The following LETM1 variants were observed in gnomAD, a reference collection of about 807,000 sequenced individuals.
The protein encoded by LETM1 is mitochondrial proton/calcium exchanger protein.
LETM1 carries 50 observed loss-of-function variants against 74.5 expected under a neutral mutation model. The ratio of observed to expected loss-of-function variants is 0.67; its 90% confidence interval spans 0.53 to 0.85. LETM1 has a LOEUF of 0.85. Among genes scored for constraint, LETM1 ranks in the 40% least tolerant of loss-of-function variants. LETM1 has a pLI of 0.00. For missense variants in LETM1, 824 were observed against 967.8 expected, an observed-to-expected ratio of 0.85 and a Z score of 1.97; for synonymous variants, 446 against 407.1, an observed-to-expected ratio of 1.10 and a Z score of -1.15.
At chr4:1,838,560 CCAG>C (rs1274338799) in intron 3 of LETM1, among the ~76,000 whole-genome samples, 2 of 152,124 alleles carry the variant, frequency 1.3e-5, no homozygotes, top group Admixed American at 6.5e-5. Context: ...GTCTGTGGTC[CCAG>C]CTACACTGGA....
intron 2 of LETM1, chr4:1,843,083 C>CA (rs1712760685): frequency 3.7e-6 from 1 of 268,280 alleles, no homozygotes; most frequent in Non-Finnish European, 7.6e-6. Flanking sequence ...GGCCTGACGC[C>CA]AGCAGCAAGG....
chr4:1,812,949 G>A lies in LETM1; in HGVS notation c.*1475C>T, dbSNP rs928713633. The A allele has an allele frequency of 6.6e-6, 1 of 152,276 alleles. No homozygotes were observed. Among genetic ancestry groups the A allele is most frequent in the African/African-American group, 2.4e-5 (1 of 41,422 alleles). 9.4% of individuals were successfully genotyped at this position (152,276 alleles called of 1,614,324 possible). On this transcript the variant is annotated 3_prime_UTR_variant, in exon 14 of 14. Coordinates refer to ENST00000302787, the MANE Select transcript of LETM1 (RefSeq NM_012318.3). ...TGGGCCCGCGATGCCGCTCACAGGA[G>A]AGGCGTCTGCACACACCTGGCAACT...
At position 1,832,964 on chromosome 4, in the gene LETM1, A is replaced by G; in HGVS notation, c.877-17T>C. ...TTCCCGGATCTGCGGAAGTGGTCAC[A>G]AGGGTCATCCCCGGGACACGCGCCC... On this transcript the variant is annotated splice_polypyrimidine_tract_variant and intron_variant, in intron 5 of 13. Coordinates refer to ENST00000302787, the MANE Select transcript of LETM1 (RefSeq NM_012318.3). 1.9e-6 allele frequency: 3 copies of G among 1,611,522 alleles called. No individual in the cohort carries two copies. Among genetic ancestry groups the G allele is most frequent in the Non-Finnish European group, 2.5e-6 (3 of 1,179,444 alleles).
chr4:1,819,613 C>T lies in LETM1; in HGVS notation c.1609-141G>A, dbSNP rs552219323. The T allele has an allele frequency of 2.7e-5, 26 of 956,794 alleles. No individual in the cohort carries two copies. The African/African-American group carries it at 4.3e-4, about 16-fold the overall frequency. The allele number at this position is 956,794 out of a possible 1,614,324, so 59.3% of individuals were successfully genotyped here. ...TGGACAGTCATTGGTAACAAGAGAC[C>T]CGCGGGGTTCAGGTTCACTGCTGCG... On this transcript the variant is annotated intron_variant, in intron 10 of 13. Coordinates refer to ENST00000302787, the MANE Select transcript of LETM1 (RefSeq NM_012318.3).
intron 10 of LETM1, among the ~76,000 whole-genome samples, chr4:1,819,780 C>A (rs1342735783): frequency 6.6e-6 from 1 of 152,228 alleles, no homozygotes; most frequent in Non-Finnish European, 1.5e-5. Flanking sequence ...TGTGCCCCCA[C>A]TGGGTCCCGC....
intron 3 of LETM1, among the ~76,000 whole-genome samples, chr4:1,840,848 G>A (rs1197491147): frequency 6.6e-6 from 1 of 152,078 alleles, no homozygotes; most frequent in East Asian, 1.9e-4. Context: ...TGTTATCTCT[G>A]GGTAGACAGT....
intron 6 of LETM1, among the ~76,000 whole-genome samples, chr4:1,827,274 CTTTTTT>C (rs759264558): frequency 1.9e-5 from 2 of 103,746 alleles, no homozygotes; most frequent in African/African-American, 7.0e-5. Flanking sequence ...ATTGACAGTT[CTTTTTT>C]TTTTTTTTTT....
At chr4:1,823,593 C>A in intron 8 of LETM1, 51 bp downstream of exon 8, 9 of 1,607,376 alleles carry the variant, frequency 5.6e-6, no homozygotes, top group Non-Finnish European at 7.6e-6. Context: ...CCCAGAAGAG[C>A]GGAGCCACCT....
chr4:1,835,292 A>G (rs1712423990), intron 4 of LETM1, among the ~76,000 whole-genome samples: 1 of 152,080 alleles, frequency 6.6e-6, no homozygotes, highest in South Asian at 2.1e-4. Flanking sequence ...TAAAAACACA[A>G]AAATTAGCCA....
At chr4:1,837,291 T>C (rs1322575279) in intron 3 of LETM1, among the ~76,000 whole-genome samples, 1 of 152,106 alleles carries the variant, frequency 6.6e-6, no homozygotes, top group Non-Finnish European at 1.5e-5. Flanking sequence ...AATGTCCTCC[T>C]CCTCATCAGC....
chr4:1,814,630 C>G, intron 13 of LETM1, 57 bp from the exon 14 acceptor site: 2 of 1,521,836 alleles, frequency 1.3e-6, no homozygotes, highest in Non-Finnish European at 1.8e-6. Context: ...CACAGTGAGG[C>G]AGAGGCGGGG....
rs1263007076 is a variant in LETM1 at position 1,836,095 on chromosome 4, T to C, written c.738+334A>G. Among the ~76,000 whole-genome samples, 3 of 150,832 alleles carry C rather than the reference T, an allele frequency of 2.0e-5. No individual in the cohort carries two copies. The highest frequency in any genetic ancestry group is 4.4e-5 in the Non-Finnish European group (3 of 67,678). ...TGTATGGTGGCACACATGCCTATAA[T>C]CCCAGCTACTTGGGAGGCTGAGGCA... is the stretch of plus-strand genomic sequence containing the variant. On this transcript the variant is annotated intron_variant, in intron 4 of 13. Coordinates refer to ENST00000302787, the MANE Select transcript of LETM1 (RefSeq NM_012318.3). The surrounding 1 kb of genome is among the most constrained non-coding windows in gnomAD (Gnocchi z 5.8).
At chr4:1,817,274 T>TGG (rs937742067) in intron 11 of LETM1, among the ~76,000 whole-genome samples, 1 of 132,896 alleles carries the variant, frequency 7.5e-6, no homozygotes, top group Admixed American at 7.8e-5. Context: ...AAAAAGAATC[T>TGG]GGTTGGGCAC....
intron 1 of LETM1, among the ~76,000 whole-genome samples, chr4:1,855,085 G>T (rs561266056): frequency 6.6e-6 from 1 of 152,236 alleles, no homozygotes; most frequent in Non-Finnish European, 1.5e-5. Flanking sequence ...AACTTGGGAG[G>T]CTGAGGCAGA....
intron 2 of LETM1, among the ~76,000 whole-genome samples, chr4:1,847,226 A>G (rs1308491220): frequency 2.6e-5 from 4 of 152,080 alleles, no homozygotes; most frequent in African/African-American, 9.7e-5. Context: ...CTGTAGTCCC[A>G]GCTACTCAGG....
intron 10 of LETM1, among the ~76,000 whole-genome samples, chr4:1,820,036 C>T (rs1031930648): frequency 6.6e-6 from 1 of 152,186 alleles, no homozygotes; most frequent in Non-Finnish European, 1.5e-5. Flanking sequence ...CTCCCAAGCT[C>T]AAGCAATCTC....
chr4:1,844,635 G>A (rs759649537), intron 2 of LETM1, among the ~76,000 whole-genome samples: 29 of 152,088 alleles, frequency 1.9e-4, no homozygotes, highest in Non-Finnish European at 3.2e-4. Flanking sequence ...GAGGGCTGAG[G>A]CGTGAGAACT....
chr4:1,823,203 CTG>C (rs1711851717), intron 8 of LETM1, 72 bp from the exon 9 acceptor site: 1 of 1,483,800 alleles, frequency 6.7e-7, no homozygotes, highest in South Asian at 1.3e-5. Flanking sequence ...CACCTCTGTC[CTG>C]TGTCCTGTGT....
chr4:1,845,407 A>T (rs1036452380), intron 2 of LETM1, among the ~76,000 whole-genome samples: 2 of 152,220 alleles, frequency 1.3e-5, no homozygotes, highest in African/African-American at 4.8e-5. Context: ...GGAGTTCGAG[A>T]TGAGCCTGGC....
Sources: allele counts gnomAD v4.1 joint callset (sites outside exome capture counted in the v4.1 genomes callset), GRCh38; gene constraint gnomAD v4.1.1; non-coding constraint Gnocchi (gnomAD v3.1); transcripts MANE v1.5; gene names NCBI Gene and HGNC (gene_info 2026-07-23, HGNC 2026-07-21).